Variants in NAV2 observed in about 807,000 individuals in gnomAD.
The protein encoded by NAV2 is neuron navigator 2, also known as helicase, APC down-regulated 1.
In NAV2, 54 loss-of-function variants were observed where a neutral mutation model predicts 223.2. The ratio of observed to expected loss-of-function variants is 0.24; its 90% CI spans 0.19 to 0.30. The LOEUF (loss-of-function observed/expected upper bound fraction) is 0.30. Ranked by LOEUF, NAV2 falls within the 10% of genes least tolerant of loss-of-function variation. The probability of loss-of-function intolerance (pLI) is 1.00; values close to 1 mark genes in which losing one functional copy is unlikely to be tolerated. For missense variants in NAV2, 2,806 were observed against 3,147.5 expected (o/e 0.89, Z 2.60); for synonymous variants, 1,279 against 1,239.3 (o/e 1.03, Z -0.67).
chr11:19,778,112 G>C (rs2152656528), intron 1 of NAV2: 1 of 400,294 alleles, frequency 2.5e-6, no homozygotes, highest in South Asian at 1.9e-5. Flanking sequence ...CCGCCTATCA[G>C]TCCCGGGAGA....
At chr11:19,529,376 A>G (rs1351735720) in intron 1 of NAV2, among the ~76,000 whole-genome samples, 5 of 152,218 alleles carry the variant, frequency 3.3e-5, no homozygotes, top group African/African-American at 9.7e-5. Flanking sequence ...CTGGGGGTAC[A>G]GCTGCTCCCT....
At chr11:20,057,446 T>C (rs897751445) in intron 19 of NAV2, among the ~76,000 whole-genome samples, 5 of 152,062 alleles carry the variant, frequency 3.3e-5, no homozygotes, top group Non-Finnish European at 7.3e-5. Context: ...GACCAAGGAT[T>C]AAGGAGGGGA....
At chr11:19,656,719 G>A (rs1381149553) in intron 1 of NAV2, among the ~76,000 whole-genome samples, 3 of 152,170 alleles carry the variant, frequency 2.0e-5, no homozygotes, top group Admixed American at 6.5e-5. Context: ...CCACTGACTT[G>A]GAATCTACAT....
rs1165514502 is a variant in NAV2, at chr11:20,077,638, A to G, written c.5067+3A>G. On this transcript the variant is annotated splice_donor_region_variant and intron_variant, in intron 23 of 37. Coordinates refer to ENST00000349880, the MANE Select transcript of NAV2 (RefSeq NM_145117.5). ...TGACCATGACAGCTGAGCAGAAGGTAAGGCAGAAAGGATACTTTAACCCTC... is the reference window on the plus strand; with the variant it reads ...TGACCATGACAGCTGAGCAGAAGGTGAGGCAGAAAGGATACTTTAACCCTC... The G allele has an allele frequency of 6.2e-7, 1 of 1,611,910 alleles. No individual in the cohort carries two copies. Among genetic ancestry groups the G allele is most frequent in the Admixed American group, 1.7e-5 (1 of 60,006 alleles).
chr11:19,360,205 C>T (rs1215313653), intron 1 of NAV2, among the ~76,000 whole-genome samples: 1 of 152,200 alleles, frequency 6.6e-6, no homozygotes, highest in Non-Finnish European at 1.5e-5. Flanking sequence ...TGTGCTAAGT[C>T]AATTATTAGC....
rs138020019 is a variant in NAV2 at position 19,959,907 on chromosome 11, C to T, written c.2645+10827C>T. On this transcript the variant is annotated intron_variant, in intron 10 of 37. Transcript: ENST00000349880. ...TGGACTGTCTGCTGTCTTGTTGGAA[C>T]GGACCTCCTGCCCTTCCGGGGCTCT... 9.8e-5 allele frequency among the ~76,000 whole-genome samples: 15 copies of T among 152,314 alleles called. No homozygotes were observed. In the East Asian group the frequency reaches 2.7e-3, roughly 27 times the overall value.
At chr11:19,620,034 T>G (rs148710435) in intron 1 of NAV2, among the ~76,000 whole-genome samples, 43,104 of 152,144 alleles carry the variant, frequency 0.28, 7,836 homozygotes, top group Middle Eastern at 0.5. Flanking sequence ...CCCCATTTCT[T>G]GTTTTTGTCA....
At chr11:19,408,629 T>C (rs1336585716) in intron 1 of NAV2, among the ~76,000 whole-genome samples, 1 of 152,200 alleles carries the variant, frequency 6.6e-6, no homozygotes, top group Non-Finnish European at 1.5e-5. Flanking sequence ...TCACAGTAAA[T>C]GTTGCACTCA....
chr11:19,413,799 C>T (rs1850247075), intron 1 of NAV2, among the ~76,000 whole-genome samples: 1 of 152,140 alleles, frequency 6.6e-6, no homozygotes, highest in Non-Finnish European at 1.5e-5. Context: ...GAATTTTCAG[C>T]CCAGAATTTC....
At chr11:20,010,507 C>T (rs1209871215) in intron 11 of NAV2, among the ~76,000 whole-genome samples, 2 of 152,164 alleles carry the variant, frequency 1.3e-5, no homozygotes, top group Admixed American at 1.3e-4. Flanking sequence ...AGCCCCCCAC[C>T]ACCTTTTTTT....
intron 25 of NAV2, among the ~76,000 whole-genome samples, 185 bp downstream of exon 25, chr11:20,080,394 C>T (rs2060016361): frequency 6.6e-6 from 1 of 152,184 alleles, no homozygotes; most frequent in African/African-American, 2.4e-5. Context: ...CAGCAAAACA[C>T]TAGAATCTGT....
chr11:19,557,169 T>C (rs967035633), intron 1 of NAV2, among the ~76,000 whole-genome samples: 7 of 152,358 alleles, frequency 4.6e-5, no homozygotes, highest in African/African-American at 1.7e-4. Flanking sequence ...GCCATATCAT[T>C]TAACCCGCAG....
intron 1 of NAV2, among the ~76,000 whole-genome samples, chr11:19,453,159 A>T: frequency 6.6e-6 from 1 of 152,216 alleles, no homozygotes; most frequent in Non-Finnish European, 1.5e-5. Context: ...CACTGCTCTG[A>T]GTTCCCCTCT....
intron 5 of NAV2, among the ~76,000 whole-genome samples, chr11:19,889,920 T>C (rs1281456571): frequency 4.6e-5 from 7 of 152,208 alleles, no homozygotes; most frequent in Non-Finnish European, 1.0e-4. Flanking sequence ...TGTGTATTGA[T>C]TTTTGTCCAG....
intron 4 of NAV2, among the ~76,000 whole-genome samples, 154 bp from the exon 5 acceptor site, chr11:19,879,715 G>C (rs1938541392): frequency 6.6e-6 from 1 of 152,132 alleles, no homozygotes; most frequent in Non-Finnish European, 1.5e-5. Context: ...TTTCTTTGTG[G>C]TATAGGCCTG....
chr11:19,783,028 G>A (rs2056852235), intron 1 of NAV2, among the ~76,000 whole-genome samples: 1 of 152,138 alleles, frequency 6.6e-6, no homozygotes, highest in South Asian at 2.1e-4. Context: ...GTGCTTGCTG[G>A]GAACATGATA....
intron 1 of NAV2, among the ~76,000 whole-genome samples, chr11:19,587,389 C>T (rs1323903194): frequency 6.6e-6 from 1 of 152,164 alleles, no homozygotes; most frequent in Admixed American, 6.5e-5. Flanking sequence ...CTGTCCTGTA[C>T]CCAGTGTCTG....
intron 22 of NAV2, among the ~76,000 whole-genome samples, chr11:20,071,440 T>C (rs1219488200): frequency 1.3e-5 from 2 of 152,216 alleles, no homozygotes; most frequent in Non-Finnish European, 2.9e-5. Flanking sequence ...TGCGTCTTTA[T>C]AGTAAAATGA....
chr11:19,440,747 T>C (rs1354365863), intron 1 of NAV2, among the ~76,000 whole-genome samples: 1 of 152,178 alleles, frequency 6.6e-6, no homozygotes, highest in Non-Finnish European at 1.5e-5. Flanking sequence ...CGACTAGGCA[T>C]TCAGTGAACT....
Sources: gnomAD v4.1 joint callset for allele counts (sites outside exome capture counted in the v4.1 genomes callset) on GRCh38, gnomAD v4.1.1 for gene constraint, MANE v1.5 for transcripts, NCBI Gene and HGNC (gene_info 2026-07-23, HGNC 2026-07-21) for gene names.